TENM2: variants seen among roughly 807,000 people sequenced by gnomAD.
TENM2 encodes teneurin-2.
In TENM2, 52 loss-of-function variants were observed where a neutral mutation model predicts 245.2. The observed-to-expected ratio is 0.21, with a 90% CI of 0.17 to 0.27. The LOEUF is 0.27. Among genes scored for constraint, TENM2 ranks in the 10% least tolerant of loss-of-function variants. The pLI is 1.00. For missense variants in TENM2, 3,046 were observed against 3,666.8 expected (o/e 0.83, Z 4.37); for synonymous variants, 1,363 against 1,438.9 (o/e 0.95, Z 1.19).
intron 2 of TENM2, among the ~76,000 whole-genome samples, chr5:167,808,242 A>G (rs1009207979): frequency 2.0e-5 from 3 of 152,126 alleles, no homozygotes; most frequent in Non-Finnish European, 2.9e-5. Context: ...TTTATATGAC[A>G]TGGAACTTCT....
rs368508949 is a variant in TENM2 at position 167,483,690 on chromosome 5, TACAA to T, written c.502+108223_502+108226del. ...TTTCTTCTGCTCAACTTGAAAAGGT[TACAA>T]ACAAATAAACTGTCTCAAAATCTTT... On this transcript the variant is annotated intron_variant, in intron 2 of 28. Coordinates refer to ENST00000518659, the Ensembl canonical transcript of TENM2. Among the ~76,000 whole-genome samples, 697 of 152,338 alleles carry T rather than the reference TACAA, an allele frequency of 4.6e-3. 4 individuals are homozygous for T. Among genetic ancestry groups the T allele is most frequent in the African/African-American group, 0.016 (656 of 41,582 alleles).
At chr5:167,167,958 G>GA in the TENM2 span, among the ~76,000 whole-genome samples, 11 of 150,766 alleles carry the variant, frequency 7.3e-5, no homozygotes, top group African/African-American at 1.7e-4. Flanking sequence ...ATCAAGAGTG[G>GA]AAAAAAAAAT....
intron 11 of TENM2, among the ~76,000 whole-genome samples, chr5:168,125,421 G>T (rs1296188712): frequency 1.3e-5 from 2 of 152,204 alleles, no homozygotes; most frequent in Non-Finnish European, 2.9e-5. Context: ...CCCTCGGGGT[G>T]CTGCGTGAAC....
the TENM2 span, among the ~76,000 whole-genome samples, chr5:166,979,362 A>AT: frequency 6.6e-6 from 1 of 151,230 alleles, no homozygotes; most frequent in African/African-American, 2.4e-5. Flanking sequence ...CTTTGGGATT[A>AT]TTTTTTTTCC....
chr5:167,390,054 C>T (rs1231526356), intron 2 of TENM2, among the ~76,000 whole-genome samples: 1 of 152,114 alleles, frequency 6.6e-6, no homozygotes, highest in Admixed American at 6.6e-5. Flanking sequence ...CCTATTGTAC[C>T]TTATTGTTTA....
chr5:167,976,404 G>C (rs866332543), intron 4 of TENM2, among the ~76,000 whole-genome samples: 1 of 152,104 alleles, frequency 6.6e-6, no homozygotes, highest in Non-Finnish European at 1.5e-5. Flanking sequence ...AGAGTACTGG[G>C]ATATTTATGA....
intron 7 of TENM2, among the ~76,000 whole-genome samples, chr5:168,075,981 C>G (rs1403791377): frequency 2.6e-5 from 4 of 152,230 alleles, no homozygotes; most frequent in Non-Finnish European, 5.9e-5. Context: ...CCCACCGTCT[C>G]CCTCCCACGA....
intron 3 of TENM2, among the ~76,000 whole-genome samples, chr5:167,920,257 C>T (rs1325894584): frequency 6.7e-6 from 1 of 149,498 alleles, no homozygotes; most frequent in Non-Finnish European, 1.5e-5. Context: ...ATTGGGAGGC[C>T]GAGGAGGGTG....
chr5:167,733,114 G>A (rs1050371099), intron 2 of TENM2, among the ~76,000 whole-genome samples: 1 of 152,064 alleles, frequency 6.6e-6, no homozygotes, highest in Admixed American at 6.6e-5. Context: ...AGCTTGACTC[G>A]CTGGTGTCAA....
intron 2 of TENM2, among the ~76,000 whole-genome samples, chr5:167,458,275 T>C (rs1766043787): frequency 1.4e-5 from 2 of 145,302 alleles, no homozygotes; most frequent in Non-Finnish European, 3.1e-5. Flanking sequence ...TCACCTGAGA[T>C]CAGGAGTTCG....
chr5:167,195,148 C>A, the TENM2 span, among the ~76,000 whole-genome samples: 4 of 151,954 alleles, frequency 2.6e-5, no homozygotes, highest in Non-Finnish European at 5.9e-5. Flanking sequence ...AGTGCCCCCA[C>A]CAGAAAAGAG....
intron 5 of TENM2, among the ~76,000 whole-genome samples, chr5:168,034,464 G>T (rs745807312): frequency 6.6e-6 from 1 of 151,922 alleles, no homozygotes. Flanking sequence ...AAGCGTGGTG[G>T]CTCATACTTG....
At chr5:167,003,775 A>G in the TENM2 span, among the ~76,000 whole-genome samples, 1 of 152,208 alleles carries the variant, frequency 6.6e-6, no homozygotes, top group East Asian at 1.9e-4. Context: ...ACTTAAACTG[A>G]TGATTTTGGG....
intron 2 of TENM2, among the ~76,000 whole-genome samples, chr5:167,623,067 A>G (rs1582572659): frequency 6.6e-6 from 1 of 152,120 alleles, no homozygotes; most frequent in Non-Finnish European, 1.5e-5. Context: ...CCCAAATAAA[A>G]TGTTGCAGTA....
At chr5:167,334,724 G>T (rs893024236) in intron 1 of TENM2, among the ~76,000 whole-genome samples, 4 of 151,990 alleles carry the variant, frequency 2.6e-5, no homozygotes, top group African/African-American at 9.7e-5. Context: ...CATATTATCT[G>T]GTTTGCAGGT....
At chr5:168,237,485 C>T (rs945483188) in intron 25 of TENM2, among the ~76,000 whole-genome samples, 10 of 151,882 alleles carry the variant, frequency 6.6e-5, no homozygotes, top group South Asian at 4.2e-4. Context: ...GATAAAGTCC[C>T]GACTCACCAG....
the TENM2 span, among the ~76,000 whole-genome samples, chr5:167,107,747 T>C: frequency 1.3e-5 from 2 of 152,338 alleles, no homozygotes; most frequent in African/African-American, 4.8e-5. Context: ...GTGAGAATAC[T>C]GAGGCTTGAA....
chr5:167,808,420 C>T (rs543181538), intron 2 of TENM2, among the ~76,000 whole-genome samples: 43 of 152,202 alleles, frequency 2.8e-4, no homozygotes, highest in African/African-American at 7.5e-4. Context: ...CCACCACCTC[C>T]GGCTAATTTT....
chr5:166,995,316 T>G, the TENM2 span, among the ~76,000 whole-genome samples: 1 of 151,932 alleles, frequency 6.6e-6, no homozygotes, highest in Admixed American at 6.5e-5. Context: ...CTCAGCTCAC[T>G]GCAAGCTCCC....
Sources: gnomAD v4.1 joint callset for allele counts (sites outside exome capture counted in the v4.1 genomes callset) on GRCh38, gnomAD v4.1.1 for gene constraint, MANE v1.5 for transcripts, NCBI Gene and HGNC (gene_info 2026-07-23, HGNC 2026-07-21) for gene names.